MBNL1: variants seen among roughly 807,000 people sequenced by gnomAD.
MBNL1 encodes muscleblind like splicing regulator 1.
In MBNL1, 8 loss-of-function variants were observed where a neutral mutation model predicts 42.2. The observed-to-expected ratio is 0.19, with a 90% confidence interval of 0.11 to 0.34. The LOEUF is 0.34. Ranked by LOEUF, MBNL1 falls within the 10% of genes least tolerant of loss-of-function variation. The probability of loss-of-function intolerance (pLI) is 1.00; values close to 1 mark genes in which losing one functional copy is unlikely to be tolerated. For synonymous variants in MBNL1, 169 were observed against 173.9 expected (o/e 0.97, Z 0.22); for missense variants, 309 against 495.3 (o/e 0.62, Z 3.57).
intron 3 of MBNL1, among the ~76,000 whole-genome samples, chr3:152,428,688 T>C (rs182767195): frequency 1.7e-3 from 261 of 152,262 alleles, no homozygotes; most frequent in African/African-American, 6.1e-3. Context: ...CCTAGGAGCT[T>C]TCAAAAAATA....
chr3:152,295,410 T>C (rs759555877), intron 1 of MBNL1, among the ~76,000 whole-genome samples: 7 of 152,194 alleles, frequency 4.6e-5, no homozygotes, highest in Admixed American at 2.6e-4. Context: ...TTCTTACATA[T>C]ATTGTCTGGA....
intron 1 of MBNL1, among the ~76,000 whole-genome samples, chr3:152,275,431 C>T (rs887500654): frequency 2.0e-5 from 3 of 152,134 alleles, no homozygotes; most frequent in African/African-American, 7.2e-5. Context: ...TAATGTTTGG[C>T]TGTGTGCAGT....
At chr3:152,331,188 A>G (rs2084237723) in intron 2 of MBNL1, among the ~76,000 whole-genome samples, 1 of 151,378 alleles carries the variant, frequency 6.6e-6, no homozygotes, top group Admixed American at 6.6e-5. Context: ...CTTCCCCTAC[A>G]CACACACACA....
intron 2 of MBNL1, among the ~76,000 whole-genome samples, chr3:152,401,288 A>G (rs1372827226): frequency 6.6e-6 from 1 of 152,200 alleles, no homozygotes; most frequent in Non-Finnish European, 1.5e-5. Flanking sequence ...TGCTGAATTC[A>G]CTACTGTGAG....
At chr3:152,333,519 G>A (rs2086895229) in intron 2 of MBNL1, among the ~76,000 whole-genome samples, 1 of 152,132 alleles carries the variant, frequency 6.6e-6, no homozygotes. Context: ...TAGAGAGTGG[G>A]CATAAAACCA....
At chr3:152,362,973 G>A (rs897823228) in intron 2 of MBNL1, among the ~76,000 whole-genome samples, 1 of 152,132 alleles carries the variant, frequency 6.6e-6, no homozygotes, top group Non-Finnish European at 1.5e-5. Flanking sequence ...AAATTAATGT[G>A]TGTGTGAAGT....
chr3:152,259,187 A>G (rs2035880016), intron 2 of MBNL1, among the ~76,000 whole-genome samples: 1 of 152,244 alleles, frequency 6.6e-6, no homozygotes, highest in Non-Finnish European at 1.5e-5. Flanking sequence ...GCTTTTGCAG[A>G]AGCGTGGGAG....
intron 4 of MBNL1, among the ~76,000 whole-genome samples, chr3:152,434,958 A>T (rs2099058547): frequency 6.6e-6 from 1 of 152,096 alleles, no homozygotes; most frequent in African/African-American, 2.4e-5. Flanking sequence ...TGTGGGATGC[A>T]TAGTTTGTAA....
intron 2 of MBNL1, among the ~76,000 whole-genome samples, chr3:152,352,909 T>C (rs2095186947): frequency 6.6e-6 from 1 of 152,180 alleles, no homozygotes; most frequent in Non-Finnish European, 1.5e-5. Context: ...TTTTATCCTT[T>C]TTAGGGAGGT....
intron 2 of MBNL1, among the ~76,000 whole-genome samples, chr3:152,321,590 G>A (rs371464099): frequency 1.3e-5 from 2 of 152,140 alleles, no homozygotes; most frequent in African/African-American, 4.8e-5. Flanking sequence ...AAAGAGATGA[G>A]TGTAGAGGTC....
chr3:152,319,106 G>A (rs1423340253), intron 2 of MBNL1, among the ~76,000 whole-genome samples: 1 of 152,112 alleles, frequency 6.6e-6, no homozygotes, highest in East Asian at 1.9e-4. Flanking sequence ...TATAATCAAA[G>A]CTTTTAAAAT....
At position 152,403,139 on chromosome 3, in the gene MBNL1, GA is replaced by G. The variant is rs375488566; in HGVS notation, c.175-11789del. ...CTAAATGTTGTTGGTGTGATAGCAA[GA>G]AAAAAAAAAAAATCGTGTGACAACC... On this transcript the variant is annotated intron_variant, in intron 2 of 9. Transcript: ENST00000324210. 7.7e-3 allele frequency among the ~76,000 whole-genome samples: 1,085 copies of G among 140,974 alleles called. 10 individuals carry two copies. The highest frequency in any genetic ancestry group is 0.022 in the African/African-American group (860 of 38,544). The allele number at this position is 140,974 out of a possible 152,430, so 92.5% of individuals were successfully genotyped here. A position where few individuals can be genotyped will look rare whatever the true frequency, so the allele number is the denominator to read the frequency against.
In MBNL1 at chr3:152,300,068, G is replaced by T; in HGVS notation, c.-126G>T. On this transcript the variant is annotated 5_prime_UTR_variant, in exon 2 of 10. Transcript: ENST00000324210. ...CATGTACTTTTAAAGCAGGGAGTGG[G>T]GAAAAGTATTTTGAGGGGACATTTT... 1 of 569,192 alleles carries T rather than the reference G, an allele frequency of 1.8e-6. No homozygotes were observed. 35.3% of individuals were successfully genotyped at this position (569,192 alleles called of 1,614,324 possible).
chr3:152,389,649 A>G (rs1208662202), intron 2 of MBNL1, among the ~76,000 whole-genome samples: 2 of 152,146 alleles, frequency 1.3e-5, no homozygotes, highest in African/African-American at 2.4e-5. Flanking sequence ...CACAGTAAAC[A>G]TATGGTATGA....
chr3:152,257,238 C>T (rs1189178457), intron 2 of MBNL1, among the ~76,000 whole-genome samples: 1 of 152,106 alleles, frequency 6.6e-6, no homozygotes. Flanking sequence ...CTGACCTGGG[C>T]ATATTAACCA....
At chr3:152,374,787 A>G (rs1189203682) in intron 2 of MBNL1, among the ~76,000 whole-genome samples, 1 of 152,154 alleles carries the variant, frequency 6.6e-6, no homozygotes, top group Non-Finnish European at 1.5e-5. Flanking sequence ...TGCCACACCC[A>G]CTGTCTTCTG....
intron 4 of MBNL1, among the ~76,000 whole-genome samples, chr3:152,437,520 A>G (rs1382262184): frequency 6.6e-6 from 1 of 152,170 alleles, no homozygotes; most frequent in Non-Finnish European, 1.5e-5. Context: ...AGGGGGTTGC[A>G]CCAGATAATC....
chr3:152,388,442 C>T (rs1303971614), intron 2 of MBNL1, among the ~76,000 whole-genome samples: 1 of 152,158 alleles, frequency 6.6e-6, no homozygotes, highest in Non-Finnish European at 1.5e-5. Flanking sequence ...TGGATTTTAG[C>T]TTTTCAGCTT....
intron 2 of MBNL1, among the ~76,000 whole-genome samples, chr3:152,380,643 C>T (rs1370301700): frequency 6.6e-6 from 1 of 151,946 alleles, no homozygotes; most frequent in Admixed American, 6.6e-5. Flanking sequence ...TACCTTAATA[C>T]ATTATATTTA....
Sources: allele counts gnomAD v4.1 joint callset (sites outside exome capture counted in the v4.1 genomes callset), GRCh38; gene constraint gnomAD v4.1.1; transcripts MANE v1.5; gene names NCBI Gene and HGNC (gene_info 2026-07-23, HGNC 2026-07-21).